SCAPER: variants seen among roughly 807,000 people sequenced by gnomAD.
SCAPER encodes the protein S-phase cyclin A associated protein in the ER.
SCAPER carries 98 observed loss-of-function variants against 182.2 expected under a neutral mutation model. That is an observed-to-expected ratio of 0.54 (90% confidence interval 0.46 to 0.64). The LOEUF is 0.64. SCAPER is among the 30% of genes least tolerant of loss of function. The pLI is 0.00. For synonymous variants in SCAPER, 605 were observed against 564.6 expected, an observed-to-expected ratio of 1.07 and a Z score of -1.01; for missense variants, 1,432 against 1,690.0, an observed-to-expected ratio of 0.85 and a Z score of 2.68.
chr15:76,668,515 A>G (rs2056786777), intron 20 of SCAPER, among the ~76,000 whole-genome samples: 1 of 152,196 alleles, frequency 6.6e-6, no homozygotes, highest in Non-Finnish European at 1.5e-5. Context: ...CCCCACATTC[A>G]TCAGAAACTT....
intron 27 of SCAPER, among the ~76,000 whole-genome samples, chr15:76,394,616 C>T (rs147686625): frequency 6.6e-6 from 1 of 152,334 alleles, no homozygotes; most frequent in East Asian, 1.9e-4. Context: ...ATACATTCTT[C>T]ACACGACACT....
intron 27 of SCAPER, among the ~76,000 whole-genome samples, chr15:76,402,139 A>C (rs1385611690): frequency 6.6e-6 from 1 of 152,136 alleles, no homozygotes; most frequent in African/African-American, 2.4e-5. Flanking sequence ...TCAAAAACAA[A>C]ACAAAACAAA....
intron 24 of SCAPER, among the ~76,000 whole-genome samples, chr15:76,484,497 T>G (rs548231620): frequency 6.6e-6 from 1 of 151,954 alleles, no homozygotes; most frequent in Admixed American, 6.6e-5. Context: ...GAGGCAGTAA[T>G]AAATAGCCTA....
intron 23 of SCAPER, among the ~76,000 whole-genome samples, chr15:76,520,180 G>C (rs1466461683): frequency 2.0e-5 from 3 of 151,936 alleles, no homozygotes; most frequent in African/African-American, 7.3e-5. Context: ...TTATTTGTTT[G>C]TCTAGAAGGA....
Position 76,795,279 on chromosome 15 carries a change from C to T in SCAPER, c.772+1G>A. 1.2e-6 allele frequency: 2 copies of T among 1,606,550 alleles called. No individual in the cohort carries two copies. The highest frequency in any genetic ancestry group is 1.7e-6 in the Non-Finnish European group (2 of 1,175,960). On this transcript the variant is annotated splice_donor_variant, in intron 8 of 31. Transcript: ENST00000563290. LOFTEE classifies it high-confidence loss of function. ...AAAATGGCTAATTCGAAGTCACTTG[C>T]CATTTTTGCGTGAGGCCTTCTGCAC...
chr15:76,508,607 T>C (rs549126740), intron 23 of SCAPER, among the ~76,000 whole-genome samples: 13 of 152,350 alleles, frequency 8.5e-5, no homozygotes, highest in African/African-American at 3.1e-4. Flanking sequence ...GGGTGTGTAC[T>C]GGCATTTTTT....
intron 21 of SCAPER, among the ~76,000 whole-genome samples, chr15:76,654,055 A>G (rs1219543432): frequency 6.6e-6 from 1 of 152,216 alleles, no homozygotes; most frequent in Admixed American, 6.5e-5. Context: ...ATGAACAGAC[A>G]CTTCTCAAAA....
intron 19 of SCAPER, 105 bp downstream of exon 19, chr15:76,702,745 C>G: frequency 7.5e-7 from 1 of 1,337,640 alleles, no homozygotes; most frequent in East Asian, 2.6e-5. Context: ...TGCCACATCT[C>G]GCCTGCCTTA....
chr15:76,655,282 C>A (rs2055531487), intron 21 of SCAPER, among the ~76,000 whole-genome samples: 1 of 152,080 alleles, frequency 6.6e-6, no homozygotes, highest in African/African-American at 2.4e-5. Context: ...CAGAATCAAC[C>A]AAGCTGAGGA....
chr15:76,637,907 C>T (rs571675138), intron 21 of SCAPER, among the ~76,000 whole-genome samples: 1 of 151,776 alleles, frequency 6.6e-6, no homozygotes, highest in East Asian at 1.9e-4. Flanking sequence ...TTTTCAATAA[C>T]ATACTGCTCA....
intron 8 of SCAPER, among the ~76,000 whole-genome samples, chr15:76,778,248 T>C (rs914881627): frequency 1.2e-4 from 19 of 152,136 alleles, no homozygotes; most frequent in Admixed American, 1.1e-3. Flanking sequence ...ATAAAATATT[T>C]GAGATAATTA....
At chr15:76,503,194 A>G (rs1372530021) in intron 24 of SCAPER, among the ~76,000 whole-genome samples, 1 of 152,180 alleles carries the variant, frequency 6.6e-6, no homozygotes, top group African/African-American at 2.4e-5. Flanking sequence ...TATTTCAAAT[A>G]TTTATTATAT....
At chr15:76,720,019 G>A (rs1249293956) in intron 17 of SCAPER, among the ~76,000 whole-genome samples, 1 of 151,504 alleles carries the variant, frequency 6.6e-6, no homozygotes, top group African/African-American at 2.4e-5. Flanking sequence ...ATGTTGGTGT[G>A]CTGCACCCAT....
chr15:76,559,870 T>A (rs1246653936), intron 23 of SCAPER, among the ~76,000 whole-genome samples: 1 of 152,124 alleles, frequency 6.6e-6, no homozygotes, highest in Admixed American at 6.5e-5. Flanking sequence ...CAAACCTGCA[T>A]ATATGCCCCT....
At chr15:76,840,165 C>A (rs1378548385) in intron 5 of SCAPER, among the ~76,000 whole-genome samples, 1 of 152,086 alleles carries the variant, frequency 6.6e-6, no homozygotes, top group Non-Finnish European at 1.5e-5. Flanking sequence ...TACCTATAAT[C>A]CCACCACTTT....
chr15:76,508,185 T>C (rs1794652245), intron 23 of SCAPER, among the ~76,000 whole-genome samples: 1 of 152,196 alleles, frequency 6.6e-6, no homozygotes, highest in African/African-American at 2.4e-5. Context: ...CAACTGTGTC[T>C]AGCTTTTTTT....
intron 17 of SCAPER, among the ~76,000 whole-genome samples, chr15:76,723,913 C>T (rs1164159601): frequency 3.3e-5 from 5 of 152,112 alleles, no homozygotes; most frequent in Non-Finnish European, 5.9e-5. Flanking sequence ...GAGCATTTAG[C>T]CCATTTACAT....
At chr15:76,855,509 T>C (rs2071268745) in intron 4 of SCAPER, among the ~76,000 whole-genome samples, 1 of 149,322 alleles carries the variant, frequency 6.7e-6, no homozygotes, top group African/African-American at 2.4e-5. Flanking sequence ...GAGAAAATTT[T>C]TGCAAACCAT....
chr15:76,686,029 A>G (rs12595313), intron 20 of SCAPER, among the ~76,000 whole-genome samples: 57,926 of 151,874 alleles, frequency 0.38, 13,045 homozygotes, highest in Middle Eastern at 0.52. Flanking sequence ...AGATTTTTGA[A>G]GTAGAACACA....
Sources: allele counts gnomAD v4.1 joint callset (sites outside exome capture counted in the v4.1 genomes callset), GRCh38; gene constraint gnomAD v4.1.1; transcripts MANE v1.5; gene names NCBI Gene and HGNC (gene_info 2026-07-23, HGNC 2026-07-21).